Variants in PGBD2 observed in about 807,000 individuals in gnomAD.
PGBD2 encodes the protein piggyBac transposable element derived 2.
A neutral mutation model predicts 8.1 loss-of-function variants in PGBD2; 6 were observed. The ratio of observed to expected loss-of-function variants is 0.74; its 90% CI spans 0.40 to 1.46. The LOEUF (loss-of-function observed/expected upper bound fraction) is 1.46, where lower values mean the gene tolerates loss of function less well. Ranked by LOEUF, PGBD2 falls within the 40% of genes most tolerant of loss-of-function variation. The pLI is 0.02. For missense variants in PGBD2, 802 were observed against 739.0 expected (o/e 1.09, Z -0.99); for synonymous variants, 318 against 272.2 (o/e 1.17, Z -1.66).
chr1:248,894,481 T>A, the PGBD2 span, among the ~76,000 whole-genome samples: 1 of 152,222 alleles, frequency 6.6e-6, no homozygotes, highest in Non-Finnish European at 1.5e-5. Flanking sequence ...TGCTTTTGGA[T>A]GTGGATATAC....
chr1:248,910,356 G>A (rs764998755), intron 1 of PGBD2, among the ~76,000 whole-genome samples: 87 of 152,192 alleles, frequency 5.7e-4, no homozygotes, highest in Non-Finnish European at 1.0e-3. Flanking sequence ...GAGGGGTTTT[G>A]AACCTGAAAT....
chr1:248,926,221 A>T, the PGBD2 span, among the ~76,000 whole-genome samples: 1 of 152,168 alleles, frequency 6.6e-6, no homozygotes, highest in African/African-American at 2.4e-5. Context: ...ACTTGATGCC[A>T]CTCACAGACC....
At chr1:248,928,515 A>T in the PGBD2 span, among the ~76,000 whole-genome samples, 1 of 152,222 alleles carries the variant, frequency 6.6e-6, no homozygotes, top group African/African-American at 2.4e-5. Flanking sequence ...GCAAACATTT[A>T]CATCCATCAT....
chr1:248,923,187 AG>A (rs1362655160), downstream of PGBD2, among the ~76,000 whole-genome samples: 1 of 152,096 alleles, frequency 6.6e-6, no homozygotes, highest in African/African-American at 2.4e-5. Context: ...TAGACTTGGG[AG>A]GGTGTATGTG....
At chr1:248,899,874 T>C in the PGBD2 span, among the ~76,000 whole-genome samples, 1 of 149,830 alleles carries the variant, frequency 6.7e-6, no homozygotes, top group Admixed American at 6.6e-5. Context: ...CAAATAGATA[T>C]AATTAGAAAC....
At chr1:248,911,567 T>C (rs1310208981) in intron 1 of PGBD2, among the ~76,000 whole-genome samples, 4 of 143,690 alleles carry the variant, frequency 2.8e-5, no homozygotes, top group Admixed American at 6.6e-5. Flanking sequence ...TTTCCCCACC[T>C]TTCCCCCTTT....
chr1:248,926,033 C>T, the PGBD2 span, among the ~76,000 whole-genome samples: 2 of 152,110 alleles, frequency 1.3e-5, no homozygotes, highest in African/African-American at 4.8e-5. Context: ...GTCACTTCCT[C>T]TAAGGACCCT....
At chr1:248,927,743 G>A in the PGBD2 span, among the ~76,000 whole-genome samples, 1 of 152,156 alleles carries the variant, frequency 6.6e-6, no homozygotes, top group Admixed American at 6.5e-5. Flanking sequence ...GTTTTAAATG[G>A]TAGAGTGAAC....
At chr1:248,926,907 G>T in the PGBD2 span, among the ~76,000 whole-genome samples, 1 of 152,206 alleles carries the variant, frequency 6.6e-6, no homozygotes, top group Non-Finnish European at 1.5e-5. Flanking sequence ...TATAAGAGAT[G>T]ATGCTCACCA....
upstream of PGBD2, among the ~76,000 whole-genome samples, chr1:248,901,789 C>CAA (rs1161527060): frequency 6.6e-6 from 1 of 151,942 alleles, no homozygotes; most frequent in East Asian, 1.9e-4. Context: ...CAAAACAAAG[C>CAA]AAAAAAACCA....
intron 2 of PGBD2, among the ~76,000 whole-genome samples, chr1:248,915,107 T>G (rs1662047113): frequency 6.6e-6 from 1 of 152,234 alleles, no homozygotes; most frequent in Non-Finnish European, 1.5e-5. Context: ...TCTGTCCTTA[T>G]CCGGGATGGC....
At chr1:248,904,089 G>C (rs1184257351), upstream of PGBD2, among the ~76,000 whole-genome samples, 1 of 148,620 alleles carries the variant, frequency 6.7e-6, no homozygotes. Context: ...TTTTTTATTT[G>C]TTAACTCCCT....
At chr1:248,906,764 C>T (rs534267488) in intron 1 of PGBD2, among the ~76,000 whole-genome samples, 110 of 151,398 alleles carry the variant, frequency 7.3e-4, no homozygotes, top group African/African-American at 2.6e-3. Context: ...TGCCGGGGCG[C>T]GCTGGGGGCG....
Position 248,918,125 on chromosome 1 carries a change from T to C in PGBD2, c.1541T>C (p.Leu514Pro). 5 of 1,614,202 alleles carry C rather than the reference T, an allele frequency of 3.1e-6. No individual in the cohort carries two copies. Among genetic ancestry groups the C allele is most frequent in the Non-Finnish European group, 4.2e-6 (5 of 1,180,020 alleles). The change falls in exon 3 of 3, where the codon CTT becomes CCT. Residue 514 changes from leucine (L) to proline (P), a missense_variant. Leu to Pro is a moderately conservative substitution (Grantham distance 98). Transcript: ENST00000329291. ...TGCCAAGATGCCCAGGTGGACCTCC[T>C]TGCCTTCCGGAGATACATTGCCTGT... is the stretch of plus-strand genomic sequence containing the variant. ...ICCQDAQVDLLAFRRYIACVY... is the reference protein window; with the variant it reads ...ICCQDAQVDLPAFRRYIACVY...
the PGBD2 span, among the ~76,000 whole-genome samples, chr1:248,898,947 G>T: frequency 7.9e-5 from 12 of 152,158 alleles, no homozygotes; most frequent in South Asian, 1.5e-3. Flanking sequence ...AAAAAGCAGG[G>T]TTTTTTTGTA....
chr1:248,891,159 C>G, the PGBD2 span, among the ~76,000 whole-genome samples: 280 of 152,336 alleles, frequency 1.8e-3, 1 homozygote, highest in African/African-American at 5.9e-3. Context: ...ATGTGTTGCT[C>G]CAACATTTTG....
chr1:248,875,314 A>AC, the PGBD2 span, among the ~76,000 whole-genome samples: 5,596 of 149,906 alleles, frequency 0.037, 379 homozygotes, highest in African/African-American at 0.13. Context: ...AAAACAAAAA[A>AC]AAAAAAAAAA....
chr1:248,925,953 A>T, the PGBD2 span, among the ~76,000 whole-genome samples: 1 of 152,096 alleles, frequency 6.6e-6, no homozygotes, highest in South Asian at 2.1e-4. Context: ...CACAGGCTCC[A>T]CTTCTCTGGA....
the PGBD2 span, among the ~76,000 whole-genome samples, chr1:248,900,927 A>G: frequency 4.6e-5 from 7 of 152,232 alleles, no homozygotes; most frequent in African/African-American, 1.7e-4. Flanking sequence ...GAAAATCACA[A>G]GCATTCCTAT....
Sources: allele counts gnomAD v4.1 joint callset (sites outside exome capture counted in the v4.1 genomes callset), GRCh38; gene constraint gnomAD v4.1.1; transcripts MANE v1.5; gene names NCBI Gene and HGNC (gene_info 2026-07-23, HGNC 2026-07-21).